RNF212B: variants seen among roughly 807,000 people sequenced by gnomAD.
RNF212B encodes E3 ubiquitin-protein ligase RNF212B.
In RNF212B, 52 loss-of-function variants were observed where a neutral mutation model predicts 55.5. The observed-to-expected ratio is 0.94, with a 90% CI of 0.75 to 1.18. The LOEUF (loss-of-function observed/expected upper bound fraction) is 1.18, where lower values mean the gene tolerates loss of function less well. Among genes scored for constraint, RNF212B ranks in the 50% most tolerant of loss-of-function variants. RNF212B has a pLI of 0.00. For synonymous variants in RNF212B, 99 were observed against 121.4 expected (o/e 0.82, Z 1.21); for missense variants, 289 against 350.4 (o/e 0.82, Z 1.40).
At position 23,269,557 on chromosome 14, in the gene RNF212B, C is replaced by G. The variant is rs528794911; in HGVS notation, c.675-306C>G. The stretch of plus-strand genomic sequence containing the variant: ...GACCAGGCTGAGCAACAAAGTGAGA[C>G]CTAATTACCCGGGCTTGGTGGGTGT... On this transcript the variant is annotated intron_variant, in intron 12 of 14. Coordinates refer to ENST00000430154, the MANE Select transcript of RNF212B (RefSeq NM_001282322.3). Among the ~76,000 whole-genome samples the G allele has an allele frequency of 3.3e-5, 5 of 151,936 alleles. No individual in the cohort carries two copies. The South Asian group carries it at 1.0e-3, about 32-fold the overall frequency.
rs187032292 is a variant in RNF212B at position 23,226,000 on chromosome 14, T to A, written c.-1-14345T>A. 9.2e-3 allele frequency among the ~76,000 whole-genome samples: 1,404 copies of A among 152,162 alleles called. 25 individuals are homozygous for A. The highest frequency in any genetic ancestry group is 0.032 in the African/African-American group (1,333 of 41,512). On this transcript the variant is annotated intron_variant, in intron 2 of 15. Transcript: ENST00000399910. ...GTACCCACAAAAATGAAAAATTTTTTAAAAAATTAAAAAACTCGGCTGGGC... is the reference window on the plus strand; with the variant it reads ...GTACCCACAAAAATGAAAAATTTTTAAAAAAATTAAAAAACTCGGCTGGGC...
intron 4 of RNF212B, among the ~76,000 whole-genome samples, chr14:23,246,175 C>T (rs1218631544): frequency 6.6e-6 from 1 of 150,990 alleles, no homozygotes; most frequent in East Asian, 1.9e-4. Flanking sequence ...TTGTCTGTCA[C>T]CCAGGCTGGA....
chr14:23,243,405 A>G, intron 3 of RNF212B, 97 bp downstream of exon 3: 1 of 1,174,364 alleles, frequency 8.5e-7, no homozygotes, highest in Admixed American at 2.2e-5. Flanking sequence ...TCAAAAAGAA[A>G]GAAAAGAAGA....
At chr14:23,233,283 G>A (rs975411034), upstream of RNF212B, among the ~76,000 whole-genome samples, 15 of 152,136 alleles carry the variant, frequency 9.9e-5, no homozygotes, top group African/African-American at 2.6e-4. Context: ...AGGCCGCAGG[G>A]TCCTCTGCCT....
chr14:23,249,407 A>G (rs1359579120), intron 4 of RNF212B, among the ~76,000 whole-genome samples: 1 of 152,162 alleles, frequency 6.6e-6, no homozygotes, highest in East Asian at 1.9e-4. Flanking sequence ...TTAGCTGGGC[A>G]TGGTGGCACA....
chr14:23,246,695 C>T (rs966195181), intron 4 of RNF212B, among the ~76,000 whole-genome samples: 2 of 152,096 alleles, frequency 1.3e-5, no homozygotes, highest in African/African-American at 4.8e-5. Flanking sequence ...ACCAAAGTGC[C>T]AGGATTACAG....
intron 1 of RNF212B, among the ~76,000 whole-genome samples, chr14:23,238,961 G>C (rs1248219555): frequency 3.3e-5 from 5 of 151,996 alleles, no homozygotes; most frequent in Admixed American, 3.3e-4. Flanking sequence ...TGGAACTTTC[G>C]ACAAGTCATT....
Position 23,272,985 on chromosome 14 carries a change from T to C in RNF212B, c.*94T>C. ...GTGATGGCCCTGGAAAATGTATCCC[T>C]GCATTGTTTCCTAGTTTCACTCTGT... On this transcript the variant is annotated 3_prime_UTR_variant, in exon 15 of 15. Transcript: ENST00000430154. 2 of 692,058 alleles carry C rather than the reference T, an allele frequency of 2.9e-6. No individual in the cohort carries two copies. Among genetic ancestry groups the C allele is most frequent in the East Asian group, 3.0e-5 (1 of 33,670 alleles). 42.9% of individuals were successfully genotyped at this position (692,058 alleles called of 1,614,324 possible).
intron 4 of RNF212B, among the ~76,000 whole-genome samples, chr14:23,248,896 C>T (rs77806128): frequency 0.08 from 12,207 of 152,230 alleles, 646 homozygotes; most frequent in African/African-American, 0.15. Flanking sequence ...CAGACCACAG[C>T]AGGCCAGTAA....
intron 1 of RNF212B, among the ~76,000 whole-genome samples, chr14:23,191,457 C>T (rs1878116106): frequency 6.6e-6 from 1 of 150,616 alleles, no homozygotes; most frequent in Non-Finnish European, 1.5e-5. Context: ...TTTGTTTGTT[C>T]CTTGTTTGTC....
At chr14:23,250,593 G>T (rs1884334422) in intron 4 of RNF212B, among the ~76,000 whole-genome samples, 1 of 151,896 alleles carries the variant, frequency 6.6e-6, no homozygotes, top group Non-Finnish European at 1.5e-5. Context: ...TAGTTCATGT[G>T]TCAGAATGTC....
chr14:23,269,859 T>C lies in RNF212B; in HGVS notation c.675-4T>C. 3 of 1,514,302 alleles carry C rather than the reference T, an allele frequency of 2.0e-6. No individual in the cohort carries two copies. In the African/African-American group the frequency reaches 4.1e-5, roughly 21 times the overall value. The allele number at this position is 1,514,302 out of a possible 1,614,324, so 93.8% of individuals were successfully genotyped here. On this transcript the variant is annotated splice_region_variant and splice_polypyrimidine_tract_variant and intron_variant, in intron 12 of 14. Coordinates refer to ENST00000430154, the MANE Select transcript of RNF212B (RefSeq NM_001282322.3). ...CTGCTGATGCTTTTATTTGCTTTCC[T>C]TAGAACTTCATCTGCCTCCTCTGGA...
chr14:23,211,002 G>A (rs951215604), intron 2 of RNF212B, among the ~76,000 whole-genome samples: 3 of 151,826 alleles, frequency 2.0e-5, no homozygotes, highest in South Asian at 2.1e-4. Flanking sequence ...GACAGATCAC[G>A]AGGTCAGGAC....
chr14:23,236,959 C>CT (rs201656139), upstream of RNF212B, among the ~76,000 whole-genome samples: 7,944 of 139,012 alleles, frequency 0.057, 921 homozygotes, highest in African/African-American at 0.2. Flanking sequence ...TTCTGTCTCT[C>CT]TCTTTTTTTT....
intron 9 of RNF212B, 79 bp from the exon 10 acceptor site, chr14:23,264,095 C>A (rs749140751): frequency 6.9e-4 from 872 of 1,259,272 alleles, no homozygotes; most frequent in Admixed American, 1.4e-3. Flanking sequence ...CTGAAAAAAA[C>A]CAAAACAAAA....
At chr14:23,262,026 CAT>C (rs903626855) in intron 7 of RNF212B, among the ~76,000 whole-genome samples, 33 of 152,020 alleles carry the variant, frequency 2.2e-4, no homozygotes, top group African/African-American at 3.9e-4. Flanking sequence ...CACACACACA[CAT>C]ATATATTTTT....
At chr14:23,209,482 A>G (rs2140385835) in intron 2 of RNF212B, among the ~76,000 whole-genome samples, 1 of 152,344 alleles carries the variant, frequency 6.6e-6, no homozygotes, top group East Asian at 1.9e-4. Flanking sequence ...GTGTAAAAGT[A>G]TCTAATATTA....
Position 23,219,989 on chromosome 14 carries a change from G to A in RNF212B, c.-1-20356G>A, listed in dbSNP as rs2140404094. On this transcript the variant is annotated intron_variant, in intron 2 of 15. Transcript: ENST00000399910. ...GTTTGACGTCAGGAGTTCGAGACCA[G>A]CCTAGCCAACATGGTGAAACTCCAT... Among the ~76,000 whole-genome samples the A allele has an allele frequency of 2.0e-5, 3 of 151,806 alleles. No individual in the cohort carries two copies. In the South Asian group the frequency reaches 6.3e-4, roughly 32 times the overall value.
chr14:23,270,737 T>G, intron 14 of RNF212B, 76 bp downstream of exon 14: 1 of 933,548 alleles, frequency 1.1e-6, no homozygotes, highest in South Asian at 1.4e-5. Context: ...TGCCTCAGGG[T>G]AGTGGAATAT....
Sources: gnomAD v4.1 joint callset for allele counts (sites outside exome capture counted in the v4.1 genomes callset) on GRCh38, gnomAD v4.1.1 for gene constraint, MANE v1.5 for transcripts, NCBI Gene and HGNC (gene_info 2026-07-23, HGNC 2026-07-21) for gene names.